Variants in CSMD1 observed in about 807,000 individuals in gnomAD.
CSMD1 encodes CUB and sushi domain-containing protein 1.
A neutral mutation model predicts 417.5 loss-of-function variants in CSMD1; 213 were observed. The ratio of observed to expected loss-of-function variants is 0.51; its 90% CI spans 0.46 to 0.57. The LOEUF (loss-of-function observed/expected upper bound fraction) is 0.57, where lower values mean the gene tolerates loss of function less well. CSMD1 is among the 20% of genes least tolerant of loss of function. CSMD1 has a pLI of 0.00. For missense variants in CSMD1, 6,923 were observed against 4,529.7 expected (o/e 1.53, Z -15.17); for synonymous variants, 2,862 against 1,736.8 (o/e 1.65, Z -16.11).
intron 49 of CSMD1, among the ~76,000 whole-genome samples, chr8:3,073,717 A>G (rs1176827417): frequency 6.6e-6 from 1 of 152,180 alleles, no homozygotes; most frequent in East Asian, 1.9e-4. Context: ...AGAACTTTCA[A>G]TAAAATTGAA....
At chr8:3,197,497 GCT>G (rs1796765360) in intron 33 of CSMD1, among the ~76,000 whole-genome samples, 2 of 132,042 alleles carry the variant, frequency 1.5e-5, no homozygotes, top group Non-Finnish European at 3.1e-5. Flanking sequence ...ACGGAGTCTC[GCT>G]CTGTCACCCA....
chr8:3,396,314 T>G lies in CSMD1; in HGVS notation c.2473A>C (p.Ile825Leu). The change falls in exon 17 of 70, where the codon ATC becomes CTC. Residue 825 changes from isoleucine (I) to leucine (L), a missense_variant. Coordinates refer to ENST00000635120, the MANE Select transcript of CSMD1 (RefSeq NM_033225.6). ...GCCTGGGTGCCGTGGTACTCGCCGA[T>G]CAGTGGGGACGAACTGGCTGGCCCA... ...RDGPASSSPLIGEYHGTQAPQ... is the reference protein window; with the variant it reads ...RDGPASSSPLLGEYHGTQAPQ... 6.2e-7 allele frequency: 1 copy of G among 1,608,182 alleles called. No homozygotes were observed. The highest frequency in any genetic ancestry group is 8.5e-7 in the Non-Finnish European group (1 of 1,177,360).
At chr8:4,727,223 C>T (rs961064666) in intron 1 of CSMD1, among the ~76,000 whole-genome samples, 5 of 152,282 alleles carry the variant, frequency 3.3e-5, no homozygotes, top group Admixed American at 3.3e-4. Flanking sequence ...AGAGTCCACT[C>T]AGCAGGGCAC....
At chr8:2,993,926 G>A (rs985007347) in intron 54 of CSMD1, among the ~76,000 whole-genome samples, 1 of 151,052 alleles carries the variant, frequency 6.6e-6, no homozygotes, top group Non-Finnish European at 1.5e-5. Flanking sequence ...CAGCACTTTG[G>A]TGAGGTCAGG....
intron 5 of CSMD1, among the ~76,000 whole-genome samples, chr8:3,960,711 T>C (rs182606976): frequency 8.5e-5 from 13 of 152,066 alleles, no homozygotes; most frequent in African/African-American, 2.6e-4. Flanking sequence ...GATATATTTC[T>C]TTTTAAGGAT....
Position 4,617,759 on chromosome 8 carries a change from C to G in CSMD1, c.302+19583G>C, listed in dbSNP as rs182843110. Among the ~76,000 whole-genome samples the G allele has an allele frequency of 9.2e-5, 14 of 151,990 alleles. 1 individual carries two copies. The highest frequency in any genetic ancestry group is 1.6e-4 in the Non-Finnish European group (11 of 67,994). ...CTTGTTTAATTTCCTATTTGGCATTCCTCATTATTAGAAAGTGAGTTATTT... is the reference window on the plus strand; with the variant it reads ...CTTGTTTAATTTCCTATTTGGCATTGCTCATTATTAGAAAGTGAGTTATTT... On this transcript the variant is annotated intron_variant, in intron 2 of 69. Transcript: ENST00000635120.
chr8:3,211,147 T>G (rs1244003236), intron 30 of CSMD1, among the ~76,000 whole-genome samples: 1 of 152,252 alleles, frequency 6.6e-6, no homozygotes, highest in Non-Finnish European at 1.5e-5. Flanking sequence ...AGAGCTCAAG[T>G]GATACTCCCA....
Position 3,111,559 on chromosome 8 carries a change from C to T in CSMD1, c.6431-1224G>A, listed in dbSNP as rs184669423. On this transcript the variant is annotated intron_variant, in intron 42 of 69. Coordinates refer to ENST00000635120, the MANE Select transcript of CSMD1 (RefSeq NM_033225.6). The stretch of plus-strand genomic sequence containing the variant: ...CTAAAATGGGACCATAGGCTGGGCA[C>T]GGTGGCTCACTTCTGTAATCCCAGC... Among the ~76,000 whole-genome samples, 703 of 152,210 alleles carry T rather than the reference C, an allele frequency of 4.6e-3. 6 individuals are homozygous for T. Among genetic ancestry groups the T allele is most frequent in the African/African-American group, 0.016 (649 of 41,518 alleles).
intron 12 of CSMD1, among the ~76,000 whole-genome samples, chr8:3,457,884 G>C (rs1343971935): frequency 1.3e-5 from 2 of 152,144 alleles, no homozygotes; most frequent in African/African-American, 2.4e-5. Context: ...CACACTCATG[G>C]AACACATGAG....
Position 3,404,391 on chromosome 8 carries a change from C to G in CSMD1, c.2266+1636G>C, listed in dbSNP as rs940319764. 2.7e-5 allele frequency among the ~76,000 whole-genome samples: 4 copies of G among 150,816 alleles called. No homozygotes were observed. The East Asian group carries it at 5.9e-4, about 22-fold the overall frequency. The stretch of plus-strand genomic sequence containing the variant: ...TACTTTGAGTAATGGTGAGTAACTT[C>G]TTTGGAGGTGGGACCAGGGCAGGAT... On this transcript the variant is annotated intron_variant, in intron 15 of 69. Coordinates refer to ENST00000635120, the MANE Select transcript of CSMD1 (RefSeq NM_033225.6).
chr8:3,693,269 G>A (rs888835996), intron 7 of CSMD1, among the ~76,000 whole-genome samples: 2 of 152,064 alleles, frequency 1.3e-5, no homozygotes, highest in South Asian at 2.1e-4. Flanking sequence ...TAGGATGCAA[G>A]GTCACTTATC....
At chr8:4,940,998 G>C (rs1029344272) in intron 1 of CSMD1, among the ~76,000 whole-genome samples, 2 of 151,666 alleles carry the variant, frequency 1.3e-5, no homozygotes, top group East Asian at 1.9e-4. Flanking sequence ...GTTCAAGAAA[G>C]AGCGATTAAT....
chr8:3,497,548 G>C (rs1008747976), intron 10 of CSMD1, among the ~76,000 whole-genome samples: 1 of 152,036 alleles, frequency 6.6e-6, no homozygotes, highest in Non-Finnish European at 1.5e-5. Flanking sequence ...GGGATTACAG[G>C]GTCAATATAC....
At chr8:4,311,180 C>G (rs113532776) in intron 3 of CSMD1, among the ~76,000 whole-genome samples, 4 of 152,194 alleles carry the variant, frequency 2.6e-5, no homozygotes, top group African/African-American at 9.6e-5. Context: ...AATCATTCCA[C>G]CATAAAGACA....
intron 5 of CSMD1, among the ~76,000 whole-genome samples, chr8:3,884,421 G>T (rs114713500): frequency 0.017 from 2,539 of 152,236 alleles, 67 homozygotes; most frequent in African/African-American, 0.057. Flanking sequence ...CTTGTTACAA[G>T]GGACACAGAA....
rs34947549 is a variant in CSMD1 at position 4,792,983 on chromosome 8, AATATAT to A, written c.86-155431_86-155426del. Among the ~76,000 whole-genome samples, 239 of 148,312 alleles carry A rather than the reference AATATAT, an allele frequency of 1.6e-3. 1 individual carries two copies. The highest frequency in any genetic ancestry group is 3.4e-3 in the African/African-American group (137 of 40,102). ...AATATATGTGTATATATGTGTATGC[AATATAT>A]ATATATATATATATATATCTCCACA... On this transcript the variant is annotated intron_variant, in intron 1 of 69. Coordinates refer to ENST00000635120, the MANE Select transcript of CSMD1 (RefSeq NM_033225.6).
chr8:3,059,848 T>C (rs866423701), intron 49 of CSMD1, among the ~76,000 whole-genome samples: 3 of 151,990 alleles, frequency 2.0e-5, no homozygotes, highest in Non-Finnish European at 4.4e-5. Context: ...ATTCAAGCAG[T>C]TGGATAGACT....
chr8:2,978,185 C>G (rs1805092687), intron 55 of CSMD1, among the ~76,000 whole-genome samples: 2 of 152,168 alleles, frequency 1.3e-5, no homozygotes, highest in African/African-American at 4.8e-5. Context: ...CCGTAGATGC[C>G]AGGTCAACAG....
chr8:4,298,064 C>G (rs1017859364), intron 3 of CSMD1, among the ~76,000 whole-genome samples: 4 of 152,102 alleles, frequency 2.6e-5, no homozygotes, highest in Admixed American at 6.6e-5. Flanking sequence ...CCAGTACATG[C>G]TAGCGTCTCT....
Sources: allele counts gnomAD v4.1 joint callset (sites outside exome capture counted in the v4.1 genomes callset), GRCh38; gene constraint gnomAD v4.1.1; transcripts MANE v1.5; gene names NCBI Gene and HGNC (gene_info 2026-07-23, HGNC 2026-07-21).